Variants in N4BP3 observed in about 807,000 individuals in gnomAD.
N4BP3 encodes the protein NEDD4 binding protein 3, also known as NEDD4-binding protein 3.
In N4BP3, 33 loss-of-function variants were observed where a neutral mutation model predicts 43.8. The observed-to-expected ratio is 0.75, with a 90% CI of 0.57 to 1.01. N4BP3 has a LOEUF of 1.01. Ranked by LOEUF, N4BP3 falls within the 50% of genes least tolerant of loss-of-function variation. N4BP3 has a pLI of 0.00. For missense variants in N4BP3, 756 were observed against 744.2 expected (o/e 1.02, Z -0.18); for synonymous variants, 326 against 321.9 (o/e 1.01, Z -0.14).
Position 178,122,250 on chromosome 5 carries a change from C to T in N4BP3, c.*249C>T, listed in dbSNP as rs1245271923. ...GCCCTGCTTCCTGGAGTGGATGTGG[C>T]CCAGAGAAGGAGGCTGGGGGATCAC... On this transcript the variant is annotated 3_prime_UTR_variant, in exon 5 of 5. Transcript: ENST00000274605. The T allele has an allele frequency of 4.3e-6, 2 of 470,478 alleles. No individual in the cohort carries two copies. The highest frequency in any genetic ancestry group is 3.4e-5 in the East Asian group (1 of 29,558). The allele number at this position is 470,478 out of a possible 1,614,324, so 29.1% of individuals were successfully genotyped here. A position where few individuals can be genotyped will look rare whatever the true frequency, so the allele number is the denominator to read the frequency against.
rs750357622 is a variant in N4BP3, at chr5:178,120,220, G to A, written c.373G>A (p.Gly125Arg). ...PSVFKPTAGN[G>R]KGFLSMQSLA... The stretch of plus-strand genomic sequence containing the variant: ...AGTGTTCAAGCCTACGGCGGGCAAC[G>A]GGAAAGGCTTCCTATCCATGCAAAG... The change falls in exon 3 of 5, where the codon GGG (glycine) becomes AGG (arginine). Residue 125 changes from glycine (G) to arginine (R), a missense_variant. Physicochemically the swap from Gly to Arg is moderately radical, Grantham distance 125. Transcript: ENST00000274605. The A allele has an allele frequency of 3.1e-6, 5 of 1,593,430 alleles. No homozygotes were observed. The highest frequency in any genetic ancestry group is 3.5e-5 in the Admixed American group (2 of 57,702).
chr5:178,119,942 G>A (rs773616403), intron 2 of N4BP3, 29 bp downstream of exon 2: 10 of 1,563,846 alleles, frequency 6.4e-6, no homozygotes, highest in Middle Eastern at 1.7e-4. Context: ...CCCTTACAAG[G>A]TGTGGGGAGG....
rs977614470 is a variant in N4BP3, at chr5:178,125,515, A to G, written c.*3514A>G. ...TCTGCAAAGAGGGCGCAGGCCCTGC[A>G]GTGACGGTTCAGATATTGATAACCC... is the stretch of plus-strand genomic sequence containing the variant. On this transcript the variant is annotated 3_prime_UTR_variant, in exon 5 of 5. Transcript: ENST00000274605. 1 of 152,276 alleles carries G rather than the reference A, an allele frequency of 6.6e-6. No individual in the cohort carries two copies. The highest frequency in any genetic ancestry group is 2.4e-5 in the African/African-American group (1 of 41,476). 9.4% of individuals were successfully genotyped at this position (152,276 alleles called of 1,614,324 possible). A position where few individuals can be genotyped will look rare whatever the true frequency, so the allele number is the denominator to read the frequency against.
Position 178,123,987 on chromosome 5 carries a change from C to T in N4BP3, c.*1986C>T, listed in dbSNP as rs1467346833. The T allele has an allele frequency of 6.5e-6, 1 of 152,788 alleles. No homozygotes were observed. The highest frequency in any genetic ancestry group is 2.4e-5 in the African/African-American group (1 of 41,466). 9.5% of individuals were successfully genotyped at this position (152,788 alleles called of 1,614,324 possible). Reference sequence around the variant, plus strand: ...GTCAGGCAGGCCAGTCGTCTACACACCCCCTTGGTACCCATTCCCATTTCA... The same window carrying T: ...GTCAGGCAGGCCAGTCGTCTACACATCCCCTTGGTACCCATTCCCATTTCA... On this transcript the variant is annotated 3_prime_UTR_variant, in exon 5 of 5. Coordinates refer to ENST00000274605, the MANE Select transcript of N4BP3 (RefSeq NM_015111.2).
At chr5:178,120,991 T>C (rs1022920670) in intron 3 of N4BP3, 107 bp from the exon 4 acceptor site, 10 of 1,424,884 alleles carry the variant, frequency 7.0e-6, no homozygotes, top group Middle Eastern at 2.6e-4. Flanking sequence ...GGCTGGGTCC[T>C]GTGGTGTAGG....
chr5:178,120,024 CTA>C (rs1366453220), intron 2 of N4BP3, 111 bp downstream of exon 2: 1 of 1,470,004 alleles, frequency 6.8e-7, no homozygotes, highest in African/African-American at 1.4e-5. Context: ...GAAAATCGTG[CTA>C]TGGGCTGGCC....
chr5:178,114,856 C>G (rs933887391), intron 1 of N4BP3, among the ~76,000 whole-genome samples: 1 of 152,184 alleles, frequency 6.6e-6, no homozygotes. Flanking sequence ...CCTGGTGGAC[C>G]GCAGTCTAGG....
At chr5:178,126,738 C>A (rs951759023), downstream of N4BP3, among the ~76,000 whole-genome samples, 1 of 152,176 alleles carries the variant, frequency 6.6e-6, no homozygotes, top group Non-Finnish European at 1.5e-5. Flanking sequence ...CCTAGCATCT[C>A]ATAAAACATG....
chr5:178,120,442 C>G lies in N4BP3; in HGVS notation c.595C>G (p.Arg199Gly). 8 of 1,613,016 alleles carry G rather than the reference C, an allele frequency of 5.0e-6. No homozygotes were observed. The highest frequency in any genetic ancestry group is 6.8e-6 in the Non-Finnish European group (8 of 1,179,994). ...CTCCTCCAGTGGGGGTAGTTTTGGT[C>G]GCAGTCCTGGTACTGGCCCTAGCCC... ...SDSSSGGSFG[R>G]SPGTGPSPFS... The change falls in exon 3 of 5, where the codon CGC becomes GGC. Residue 199 changes from arginine (R) to glycine (G), a missense_variant. Physicochemically the swap from Arg to Gly is moderately radical, Grantham distance 125. Coordinates refer to ENST00000274605, the MANE Select transcript of N4BP3 (RefSeq NM_015111.2).
At position 178,119,657 on chromosome 5, in the gene N4BP3, C is replaced by A. The variant is rs1037732606; in HGVS notation, c.74C>A (p.Ser25Tyr). The A allele has an allele frequency of 1.9e-6, 3 of 1,604,034 alleles. No homozygotes were observed. Among genetic ancestry groups the A allele is most frequent in the Non-Finnish European group, 2.6e-6 (3 of 1,175,366 alleles). The change falls in exon 2 of 5, where the codon TCC (serine) becomes TAC (tyrosine). Residue 25 changes from serine to tyrosine, a missense_variant. By Grantham distance (144) the Ser-to-Tyr change is moderately radical. Transcript: ENST00000274605. ...AGCCTGTTGGAACGGCAGGACTTCT[C>A]CCCTGAAGAGCTGCGGGCGGCACTT... is the stretch of plus-strand genomic sequence containing the variant. ...VGSLLERQDF[S>Y]PEELRAALAG...
chr5:178,119,223 T>A lies in N4BP3; in HGVS notation c.-30-331T>A, dbSNP rs1410390584. On this transcript the variant is annotated intron_variant, in intron 1 of 4. Coordinates refer to ENST00000274605, the MANE Select transcript of N4BP3 (RefSeq NM_015111.2). Reference sequence around the variant, plus strand: ...GCTGGGAGGACGGCTCCTGTCCTGCTGCTTCCAGGCCTATCCCCTCCCGGT... The same window carrying A: ...GCTGGGAGGACGGCTCCTGTCCTGCAGCTTCCAGGCCTATCCCCTCCCGGT... 2.0e-5 allele frequency among the ~76,000 whole-genome samples: 3 copies of A among 152,220 alleles called. No individual in the cohort carries two copies. In the East Asian group the frequency reaches 5.8e-4, roughly 29 times the overall value.
downstream of N4BP3, among the ~76,000 whole-genome samples, chr5:178,126,915 C>T (rs534655480): frequency 3.2e-3 from 494 of 152,270 alleles, 2 homozygotes; most frequent in African/African-American, 0.011. Context: ...ACCTCAGGCC[C>T]CAGTTTTTGG....
downstream of N4BP3, chr5:178,126,193 A>T (rs1015807088): frequency 9.9e-5 from 15 of 151,536 alleles, no homozygotes; most frequent in African/African-American, 2.9e-4. Context: ...TATTTTATTT[A>T]TTTTTTTGAG....
intron 1 of N4BP3, among the ~76,000 whole-genome samples, chr5:178,116,965 C>G (rs1757786837): frequency 6.6e-6 from 1 of 152,192 alleles, no homozygotes; most frequent in Non-Finnish European, 1.5e-5. Flanking sequence ...GTCTTTCCCA[C>G]TTCATTTTTT....
chr5:178,119,456 TGTG>T, intron 1 of N4BP3, 95 bp from the exon 2 acceptor site: 1 of 845,568 alleles, frequency 1.2e-6, no homozygotes, highest in East Asian at 2.8e-5. Context: ...TGGGCAAGGT[TGTG>T]GGGAGCTACA....
rs1757993704 is a variant in N4BP3, at chr5:178,124,082, G to C, written c.*2081G>C. ...AATGGCTCCTCCAGAGGGCCCCTCA[G>C]AGCCAGGTGCTGGCCAGATGCCTTG... On this transcript the variant is annotated 3_prime_UTR_variant, in exon 5 of 5. Transcript: ENST00000274605. 6.5e-6 allele frequency: 1 copy of C among 152,812 alleles called. No individual in the cohort carries two copies. Among genetic ancestry groups the C allele is most frequent in the South Asian group, 2.1e-4 (1 of 4,836 alleles). The allele number at this position is 152,812 out of a possible 1,614,324, so 9.5% of individuals were successfully genotyped here.
chr5:178,121,792 C>T lies in N4BP3; in HGVS notation c.1426C>T (p.Arg476Ter), dbSNP rs1561618885. Residue 476 changes from arginine to a stop codon, truncating the protein, a stop_gained, in exon 5 of 5, where the codon CGA becomes TGA. Coordinates refer to ENST00000274605, the MANE Select transcript of N4BP3 (RefSeq NM_015111.2). LOFTEE classifies it high-confidence loss of function. The part of the protein sequence containing the change: ...EQLRAELLQE[R>*]LRGQEQALRF... ...GCTGCGGGCTGAGCTGCTGCAGGAG[C>T]GACTTCGGGGCCAGGAGCAGGCGCT... 1.2e-6 allele frequency: 2 copies of T among 1,608,610 alleles called. No individual in the cohort carries two copies.
Position 178,120,558 on chromosome 5 carries a change from G to C in N4BP3, c.711G>C (p.Val237=), listed in dbSNP as rs141949620. The change falls in exon 3 of 5, where the codon GTG becomes GTC. Residue 237 remains valine (V), a synonymous_variant. Transcript: ENST00000274605. ...QGPKEAGPPA[V]LSCLPEPPPP... ...CCAAGGAGGCTGGGCCACCAGCTGT[G>C]CTGAGCTGCCTGCCCGAGCCACCAC... is the stretch of plus-strand genomic sequence containing the variant. The C allele has an allele frequency of 1.2e-6, 2 of 1,612,918 alleles. No individual in the cohort carries two copies. Among genetic ancestry groups the C allele is most frequent in the African/African-American group, 2.7e-5 (2 of 74,938 alleles).
intron 1 of N4BP3, among the ~76,000 whole-genome samples, 170 bp downstream of exon 1, chr5:178,113,941 C>T (rs1458321024): frequency 1.3e-5 from 2 of 152,210 alleles, no homozygotes; most frequent in African/African-American, 4.8e-5. Context: ...CGGCGTGCGC[C>T]CAGGTGTCCC....
Sources: allele counts gnomAD v4.1 joint callset (sites outside exome capture counted in the v4.1 genomes callset), GRCh38; gene constraint gnomAD v4.1.1; transcripts MANE v1.5; gene names NCBI Gene and HGNC (gene_info 2026-07-23, HGNC 2026-07-21).